COQ10B: variants seen among roughly 807,000 people sequenced by gnomAD.
COQ10B encodes the protein coenzyme Q-binding protein COQ10 homolog B, mitochondrial.
COQ10B carries 12 observed loss-of-function variants against 27.6 expected under a neutral mutation model. The observed-to-expected ratio is 0.43, with a 90% confidence interval of 0.28 to 0.70. The LOEUF (loss-of-function observed/expected upper bound fraction) is 0.70. Ranked by LOEUF, COQ10B falls within the 30% of genes least tolerant of loss-of-function variation. The pLI, the probability that COQ10B is intolerant of heterozygous loss-of-function variation, is 0.17. For missense variants in COQ10B, 278 were observed against 288.7 expected (o/e 0.96, Z 0.27); for synonymous variants, 115 against 103.0 (o/e 1.12, Z -0.71).
chr2:197,454,087 G>T lies in COQ10B; in HGVS notation c.104+423G>T, dbSNP rs1159945486. On this transcript the variant is annotated intron_variant, in intron 1 of 4. Transcript: ENST00000263960. ...CTCCGGTTCCTTCTACCTGCCAGATGGTCAGATGCGTTTTCCCAATTTCTG... is the reference window on the plus strand; with the variant it reads ...CTCCGGTTCCTTCTACCTGCCAGATTGTCAGATGCGTTTTCCCAATTTCTG... 3 of 1,551,028 alleles carry T rather than the reference G, an allele frequency of 1.9e-6. No homozygotes were observed. The Admixed American group carries it at 5.9e-5, about 30-fold the overall frequency.
chr2:197,464,022 C>CACACACACAT (rs1553574118), intron 3 of COQ10B, among the ~76,000 whole-genome samples: 27 of 99,682 alleles, frequency 2.7e-4, no homozygotes, highest in Middle Eastern at 5.8e-3. Flanking sequence ...CACACACACA[C>CACACACACAT]ACACATACAT....
chr2:197,457,977 C>A (rs934110171), intron 1 of COQ10B, among the ~76,000 whole-genome samples: 2 of 152,078 alleles, frequency 1.3e-5, no homozygotes, highest in African/African-American at 4.8e-5. Flanking sequence ...AATTCACTGA[C>A]CTCTGTTTCA....
At chr2:197,455,787 T>C (rs1283680465) in intron 1 of COQ10B, among the ~76,000 whole-genome samples, 1 of 152,078 alleles carries the variant, frequency 6.6e-6, no homozygotes, top group Non-Finnish European at 1.5e-5. Flanking sequence ...TAGCAAGACC[T>C]TGTTTCTACA....
chr2:197,472,361 A>C (rs1305784415), intron 4 of COQ10B, among the ~76,000 whole-genome samples: 1 of 152,052 alleles, frequency 6.6e-6, no homozygotes, highest in Admixed American at 6.6e-5. Context: ...CCTCTTCCTC[A>C]TCCCTCTTTT....
intron 4 of COQ10B, among the ~76,000 whole-genome samples, chr2:197,470,998 C>T (rs111374768): frequency 0.011 from 1,695 of 152,254 alleles, 16 homozygotes; most frequent in Admixed American, 0.023. Context: ...TCCAAGGGTT[C>T]GAGCTTGCAG....
At chr2:197,457,736 C>G (rs2085715053) in intron 1 of COQ10B, among the ~76,000 whole-genome samples, 1 of 151,812 alleles carries the variant, frequency 6.6e-6, no homozygotes, top group African/African-American at 2.4e-5. Flanking sequence ...TTTTCCCTGC[C>G]TCAGCCTCCC....
At position 197,470,128 on chromosome 2, in the gene COQ10B, C is replaced by A; in HGVS notation, c.506C>A (p.Pro169Gln). The change falls in exon 4 of 5, where the codon CCA becomes CAA. Residue 169 changes from proline to glutamine, a missense_variant. Around this residue, in one of 3 missense-constraint regions of COQ10B, gnomAD observed 83 missense variants for 104.5 expected, o/e 0.79. Coordinates refer to ENST00000263960, the MANE Select transcript of COQ10B (RefSeq NM_025147.5). ...TTGGAGACTATTTGGCGTTTTAGCC[C>A]AGGTCTTCCTGGCTACCCAAGAACT... ...NHLETIWRFSPGLPGYPRTCT... is the reference protein window; with the variant it reads ...NHLETIWRFSQGLPGYPRTCT... The A allele has an allele frequency of 6.2e-7, 1 of 1,613,260 alleles. No homozygotes were observed. Among genetic ancestry groups the A allele is most frequent in the South Asian group, 1.1e-5 (1 of 91,030 alleles).
At chr2:197,461,129 C>G (rs1296785106) in intron 2 of COQ10B, among the ~76,000 whole-genome samples, 1 of 152,144 alleles carries the variant, frequency 6.6e-6, no homozygotes, top group Non-Finnish European at 1.5e-5. Flanking sequence ...CTAAGTTCAC[C>G]TTTATTACTA....
At chr2:197,471,648 T>C (rs868546314) in intron 4 of COQ10B, among the ~76,000 whole-genome samples, 1 of 152,006 alleles carries the variant, frequency 6.6e-6, no homozygotes. Flanking sequence ...TAGACATTAA[T>C]AGGACAATTG....
intron 4 of COQ10B, among the ~76,000 whole-genome samples, chr2:197,473,288 C>G (rs887463709): frequency 6.6e-6 from 1 of 150,466 alleles, no homozygotes; most frequent in Admixed American, 6.7e-5. Flanking sequence ...CACAGTGGCT[C>G]ATGCCCATAA....
Position 197,460,093 on chromosome 2 carries a change from A to G in COQ10B, c.254+12A>G, listed in dbSNP as rs1204640130. 1 of 1,578,816 alleles carries G rather than the reference A, an allele frequency of 6.3e-7. No homozygotes were observed. Among genetic ancestry groups the G allele is most frequent in the South Asian group, 1.1e-5 (1 of 87,986 alleles). On this transcript the variant is annotated intron_variant, in intron 2 of 4. Coordinates refer to ENST00000263960, the MANE Select transcript of COQ10B (RefSeq NM_025147.5). The stretch of plus-strand genomic sequence containing the variant: ...AGAAGAATTTTAGGGTTCGTATATG[A>G]TAAGAATTCTACTAAAAGAGCATGT...
chr2:197,473,864 G>T lies in COQ10B; in HGVS notation c.657G>T (p.Leu219=). ...VAAFERRACK[L]YGPETNIPRE... The stretch of plus-strand genomic sequence containing the variant: ...CCTTTGAAAGAAGAGCATGTAAGCT[G>T]TATGGTCCAGAAACAAATATACCTC... Residue 219 remains leucine (L), a synonymous_variant, in exon 5 of 5, where the codon CTG becomes CTT. Transcript: ENST00000263960. The T allele has an allele frequency of 6.2e-7, 1 of 1,601,948 alleles. No homozygotes were observed. Among genetic ancestry groups the T allele is most frequent in the Non-Finnish European group, 8.5e-7 (1 of 1,172,372 alleles).
At chr2:197,471,175 C>T (rs574506898) in intron 4 of COQ10B, among the ~76,000 whole-genome samples, 1 of 152,178 alleles carries the variant, frequency 6.6e-6, no homozygotes, top group South Asian at 2.1e-4. Flanking sequence ...TGGGGCGCTA[C>T]TTTGTCACCC....
At chr2:197,461,930 T>C (rs2085765064) in intron 2 of COQ10B, among the ~76,000 whole-genome samples, 2 of 151,818 alleles carry the variant, frequency 1.3e-5, no homozygotes, top group African/African-American at 4.8e-5. Context: ...CCACCACTCC[T>C]GGCCATACTC....
At position 197,473,742 on chromosome 2, in the gene COQ10B, A is replaced by G; in HGVS notation, c.550-15A>G. ...AATAATTTTTTCTAAAATAATTTTC[A>G]ATATTTTCCTACAGATTTCTTTTGA... On this transcript the variant is annotated splice_polypyrimidine_tract_variant and intron_variant, in intron 4 of 4. Transcript: ENST00000263960. 1 of 1,452,686 alleles carries G rather than the reference A, an allele frequency of 6.9e-7. No homozygotes were observed. Among genetic ancestry groups the G allele is most frequent in the Non-Finnish European group, 9.2e-7 (1 of 1,088,952 alleles). The allele number at this position is 1,452,686 out of a possible 1,614,324, so 90.0% of individuals were successfully genotyped here.
intron 1 of COQ10B, among the ~76,000 whole-genome samples, chr2:197,456,240 C>T (rs1437803886): frequency 6.6e-6 from 1 of 151,932 alleles, no homozygotes; most frequent in Non-Finnish European, 1.5e-5. Context: ...CCAAGGTGGG[C>T]GGATCACAAG....
At chr2:197,469,315 C>T (rs1050529314) in intron 3 of COQ10B, among the ~76,000 whole-genome samples, 1 of 152,272 alleles carries the variant, frequency 6.6e-6, no homozygotes, top group Admixed American at 6.5e-5. Context: ...AGTGATCCCC[C>T]AACCTTGGCC....
At position 197,465,769 on chromosome 2, in the gene COQ10B, CAAGT is replaced by C. The variant is rs1156977137; in HGVS notation, c.447+3042_447+3045del. Among the ~76,000 whole-genome samples the C allele has an allele frequency of 2.6e-5, 4 of 151,982 alleles. No homozygotes were observed. The East Asian group carries it at 7.7e-4, about 29-fold the overall frequency. ...CTGCATTCCAGCCTGGGCAACATAG[CAAGT>C]AAGACTCCATCTCTAAAAAACAAAC... is the stretch of plus-strand genomic sequence containing the variant. On this transcript the variant is annotated intron_variant, in intron 3 of 4. Transcript: ENST00000263960.
At chr2:197,455,812 T>C (rs2085691813) in intron 1 of COQ10B, among the ~76,000 whole-genome samples, 1 of 152,034 alleles carries the variant, frequency 6.6e-6, no homozygotes, top group African/African-American at 2.4e-5. Context: ...AGTAAAAAAT[T>C]GGCAGGGCTT....
Sources: gnomAD v4.1 joint callset for allele counts (sites outside exome capture counted in the v4.1 genomes callset) on GRCh38, gnomAD v4.1.1 for gene constraint, gnomAD v4.1.1 regional missense constraint, MANE v1.5 for transcripts, NCBI Gene and HGNC (gene_info 2026-07-23, HGNC 2026-07-21) for gene names.